Variants in CSMD1 observed in about 807,000 individuals in gnomAD.
CSMD1 encodes the protein CUB and Sushi multiple domains 1, also known as CUB and sushi domain-containing protein 1.
Under a neutral mutation model 417.5 loss-of-function variants are expected in CSMD1, and 213 were observed. The ratio of observed to expected loss-of-function variants is 0.51; its 90% CI spans 0.46 to 0.57. The LOEUF is 0.57. CSMD1 is among the 20% of genes least tolerant of loss of function. The pLI, the probability that CSMD1 is intolerant of heterozygous loss-of-function variation, is 0.00. For missense variants in CSMD1, 6,923 were observed against 4,529.7 expected (o/e 1.53, Z -15.17); for synonymous variants, 2,862 against 1,736.8 (o/e 1.65, Z -16.11).
At chr8:4,453,548 T>A (rs1337559639) in intron 2 of CSMD1, among the ~76,000 whole-genome samples, 1 of 152,120 alleles carries the variant, frequency 6.6e-6, no homozygotes, top group Non-Finnish European at 1.5e-5. Flanking sequence ...GCCGACAGAA[T>A]AACTTGGGCC....
At chr8:3,363,638 C>G (rs1809350121) in intron 20 of CSMD1, among the ~76,000 whole-genome samples, 1 of 152,294 alleles carries the variant, frequency 6.6e-6, no homozygotes, top group Middle Eastern at 3.4e-3. Flanking sequence ...CTCCATTCTC[C>G]TGCCTCAGTC....
chr8:4,100,427 A>G (rs17068984), intron 3 of CSMD1, among the ~76,000 whole-genome samples: 12,928 of 152,236 alleles, frequency 0.085, 808 homozygotes, highest in South Asian at 0.3. Context: ...AGCCCGTTCA[A>G]AGCAGAATCA....
intron 2 of CSMD1, among the ~76,000 whole-genome samples, chr8:4,627,653 C>T (rs1299487357): frequency 3.3e-5 from 5 of 152,108 alleles, no homozygotes; most frequent in Non-Finnish European, 7.4e-5. Context: ...ACCTCCCATT[C>T]CTGGTCACTC....
chr8:3,501,593 A>C, intron 10 of CSMD1, among the ~76,000 whole-genome samples: 1 of 152,204 alleles, frequency 6.6e-6, no homozygotes, highest in Middle Eastern at 3.2e-3. Context: ...CTCAGAACAC[A>C]CTGGAAGGAA....
chr8:3,241,232 T>G (rs1799490980), intron 26 of CSMD1, among the ~76,000 whole-genome samples: 1 of 150,728 alleles, frequency 6.6e-6, no homozygotes, highest in Non-Finnish European at 1.5e-5. Context: ...AAGGAGTGCT[T>G]AAAAGAGTAT....
At chr8:3,400,635 G>C (rs1324759629) in intron 15 of CSMD1, among the ~76,000 whole-genome samples, 1 of 151,798 alleles carries the variant, frequency 6.6e-6, no homozygotes, top group Non-Finnish European at 1.5e-5. Context: ...TTGTTGATAT[G>C]GGAAAATCTT....
At chr8:3,568,543 A>G in intron 10 of CSMD1, among the ~76,000 whole-genome samples, 1 of 152,194 alleles carries the variant, frequency 6.6e-6, no homozygotes, top group East Asian at 1.9e-4. Context: ...TCAAATTAGA[A>G]TCAGTAGCTG....
chr8:3,933,077 C>T (rs1238133490), intron 5 of CSMD1, among the ~76,000 whole-genome samples: 3 of 124,136 alleles, frequency 2.4e-5, no homozygotes, highest in Non-Finnish European at 3.5e-5. Context: ...TAAAAAAAAA[C>T]AAAAGAAACA....
chr8:3,991,829 T>C (rs1187579362), intron 5 of CSMD1, among the ~76,000 whole-genome samples: 1 of 152,192 alleles, frequency 6.6e-6, no homozygotes, highest in African/African-American at 2.4e-5. Flanking sequence ...TCTTTGCTTT[T>C]TGGATGGTTG....
intron 12 of CSMD1, among the ~76,000 whole-genome samples, chr8:3,412,547 G>A (rs1168959519): frequency 6.6e-6 from 1 of 152,146 alleles, no homozygotes; most frequent in Non-Finnish European, 1.5e-5. Flanking sequence ...GCATGAAGAT[G>A]TTGAATACAT....
chr8:3,678,656 G>T (rs1037972531), intron 7 of CSMD1, among the ~76,000 whole-genome samples: 1 of 152,072 alleles, frequency 6.6e-6, no homozygotes. Flanking sequence ...AGCAAGGCAG[G>T]CCAACATGCA....
chr8:4,900,922 G>T (rs1381995342), intron 1 of CSMD1, among the ~76,000 whole-genome samples: 2 of 152,114 alleles, frequency 1.3e-5, no homozygotes. Flanking sequence ...TCTCTCCCTT[G>T]CATCCTAAGT....
At chr8:4,004,710 G>C (rs1016946437) in intron 4 of CSMD1, among the ~76,000 whole-genome samples, 2 of 151,920 alleles carry the variant, frequency 1.3e-5, no homozygotes, top group East Asian at 1.9e-4. Flanking sequence ...AGTTGACCTG[G>C]ATGAGATTGG....
chr8:4,757,777 G>A (rs1018523983), intron 1 of CSMD1, among the ~76,000 whole-genome samples: 8 of 151,912 alleles, frequency 5.3e-5, no homozygotes, highest in Non-Finnish European at 1.0e-4. Context: ...TGGCCAACAT[G>A]GTGAAACCCT....
At chr8:3,471,412 T>C (rs1817089046) in intron 11 of CSMD1, among the ~76,000 whole-genome samples, 1 of 152,220 alleles carries the variant, frequency 6.6e-6, no homozygotes, top group South Asian at 2.1e-4. Flanking sequence ...CACATGCAAT[T>C]ACAACAAATT....
chr8:4,370,387 C>G (rs998408642), intron 3 of CSMD1, among the ~76,000 whole-genome samples: 2 of 152,078 alleles, frequency 1.3e-5, no homozygotes, highest in Non-Finnish European at 2.9e-5. Context: ...TTCTTTCTCA[C>G]AGACCTTGGA....
chr8:3,309,914 A>C (rs958334230), intron 23 of CSMD1, among the ~76,000 whole-genome samples: 3 of 152,186 alleles, frequency 2.0e-5, no homozygotes, highest in African/African-American at 7.2e-5. Flanking sequence ...AGTGACTAAG[A>C]AAATTTCCTT....
chr8:3,463,129 A>G (rs534154691), intron 12 of CSMD1, among the ~76,000 whole-genome samples: 4 of 152,194 alleles, frequency 2.6e-5, no homozygotes, highest in South Asian at 2.1e-4. Flanking sequence ...AGCCAACTCT[A>G]TCTCCATATT....
rs149982762 is a variant in CSMD1, at chr8:4,269,305, C to G, written c.415+150648G>C. Among the ~76,000 whole-genome samples the G allele has an allele frequency of 1.0e-3, 154 of 152,230 alleles. 3 individuals carry two copies. The East Asian group carries it at 0.025, about 25-fold the overall frequency. On this transcript the variant is annotated intron_variant, in intron 3 of 69. Transcript: ENST00000635120. ...CCTCCAACTCTTGATCTCAGGTGAT[C>G]CACCCGCACTGGCCTCCCCCAAAGT...
Sources: gnomAD v4.1 joint callset for allele counts (sites outside exome capture counted in the v4.1 genomes callset) on GRCh38, gnomAD v4.1.1 for gene constraint, MANE v1.5 for transcripts, NCBI Gene and HGNC (gene_info 2026-07-23, HGNC 2026-07-21) for gene names.